SPECC1L: variants seen among roughly 807,000 people sequenced by gnomAD.
SPECC1L encodes sperm antigen with calponin homology and coiled-coil domains 1 like.
SPECC1L carries 40 observed loss-of-function variants against 116.8 expected under a neutral mutation model. That is an observed-to-expected ratio of 0.34 (90% CI 0.27 to 0.45). The LOEUF (loss-of-function observed/expected upper bound fraction) is 0.45. SPECC1L is among the 20% of genes least tolerant of loss of function. SPECC1L has a pLI of 1.00. For missense variants in SPECC1L, 1,110 were observed against 1,373.6 expected (o/e 0.81, Z 3.03); for synonymous variants, 504 against 500.6 (o/e 1.01, Z -0.09).
rs1358102259 is a variant in SPECC1L at position 24,415,231 on chromosome 22, T to C, written c.*608T>C. 1.9e-5 allele frequency: 3 copies of C among 158,390 alleles called. No individual in the cohort carries two copies. The highest frequency in any genetic ancestry group is 5.9e-5 in the Admixed American group (1 of 16,956). The allele number at this position is 158,390 out of a possible 1,614,324, so 9.8% of individuals were successfully genotyped here. A position where few individuals can be genotyped will look rare whatever the true frequency, so the allele number is the denominator to read the frequency against. ...GCGTGTTCAGCCTGAGCTAGGAGAG[T>C]ATCTAGAGGGCGTGGTGCGGGCACG... On this transcript the variant is annotated 3_prime_UTR_variant, in exon 17 of 17. Coordinates refer to ENST00000314328, the MANE Select transcript of SPECC1L (RefSeq NM_015330.6).
intron 14 of SPECC1L, among the ~76,000 whole-genome samples, chr22:24,388,075 C>A (rs980740632): frequency 2.0e-5 from 3 of 151,898 alleles, no homozygotes; most frequent in East Asian, 1.9e-4. Context: ...TCTTAAAATT[C>A]TTTTTTTATT....
chr22:24,401,928 C>A (rs1003601502), intron 14 of SPECC1L, among the ~76,000 whole-genome samples: 9 of 152,146 alleles, frequency 5.9e-5, no homozygotes, highest in African/African-American at 2.2e-4. Context: ...CGTATTAGAT[C>A]AAGAGCAAAG....
At chr22:24,370,821 A>G (rs1199834968) in intron 14 of SPECC1L, among the ~76,000 whole-genome samples, 2 of 152,206 alleles carry the variant, frequency 1.3e-5, no homozygotes, top group African/African-American at 2.4e-5. Flanking sequence ...CAAGCCATAT[A>G]CAAAAGGGCT....
chr22:24,290,808 A>G (rs1462543063), intron 2 of SPECC1L, among the ~76,000 whole-genome samples: 1 of 152,244 alleles, frequency 6.6e-6, no homozygotes, highest in Non-Finnish European at 1.5e-5. Context: ...ATAATTCACC[A>G]TAAGAAAGGT....
chr22:24,332,424 A>C lies in SPECC1L; in HGVS notation c.2397-1986A>C. ...TTGACCAGTGGATTTTAATGGGCAG[A>C]ATAGGAAAAGTTCACTTATATGGTT... On this transcript the variant is annotated intron_variant, in intron 8 of 16. Coordinates refer to ENST00000314328, the MANE Select transcript of SPECC1L (RefSeq NM_015330.6). 1.3e-5 allele frequency among the ~76,000 whole-genome samples: 2 copies of C among 152,228 alleles called. 1 individual carries two copies. Among genetic ancestry groups the C allele is most frequent in the Non-Finnish European group, 2.9e-5 (2 of 68,040 alleles).
chr22:24,284,191 A>G (rs562930655), intron 2 of SPECC1L, among the ~76,000 whole-genome samples: 1 of 152,130 alleles, frequency 6.6e-6, no homozygotes, highest in East Asian at 1.9e-4. Context: ...TTCTTTTCCA[A>G]CATAGGTGTT....
At chr22:24,297,985 A>G (rs2049299964) in intron 2 of SPECC1L, among the ~76,000 whole-genome samples, 1 of 152,168 alleles carries the variant, frequency 6.6e-6, no homozygotes, top group African/African-American at 2.4e-5. Flanking sequence ...TTAATCTCCT[A>G]CTGTGCCTAA....
intron 13 of SPECC1L, among the ~76,000 whole-genome samples, chr22:24,366,999 G>T (rs1351228129): frequency 6.6e-6 from 1 of 152,138 alleles, no homozygotes; most frequent in African/African-American, 2.4e-5. Context: ...TTCGAGATCA[G>T]CCTGGCCAAC....
At chr22:24,371,355 G>A (rs1433878500) in intron 14 of SPECC1L, among the ~76,000 whole-genome samples, 1 of 152,160 alleles carries the variant, frequency 6.6e-6, no homozygotes, top group Non-Finnish European at 1.5e-5. Context: ...GCTCGTGCCT[G>A]TAGTCCCAGT....
chr22:24,346,997 TTATAACTAAA>T, intron 10 of SPECC1L, 79 bp from the exon 11 acceptor site: 1 of 1,034,522 alleles, frequency 9.7e-7, no homozygotes, highest in Non-Finnish European at 1.5e-6. Context: ...TAATACGGAT[TTATAACTAAA>T]TATCTACTCT....
At chr22:24,341,667 T>C (rs2041178993) in intron 10 of SPECC1L, among the ~76,000 whole-genome samples, 1 of 152,226 alleles carries the variant, frequency 6.6e-6, no homozygotes, top group Non-Finnish European at 1.5e-5. Context: ...TGTTGAGTGT[T>C]GGCTGCAGCT....
At chr22:24,303,650 C>G (rs956619523) in intron 3 of SPECC1L, among the ~76,000 whole-genome samples, 1 of 152,168 alleles carries the variant, frequency 6.6e-6, no homozygotes, top group African/African-American at 2.4e-5. Context: ...CAGGCAGTGT[C>G]TTTGGAGGTT....
chr22:24,337,802 A>G (rs2041090410), intron 9 of SPECC1L, among the ~76,000 whole-genome samples: 1 of 152,176 alleles, frequency 6.6e-6, no homozygotes, highest in South Asian at 2.1e-4. Flanking sequence ...CTGTTTAGAT[A>G]TTAATAAATT....
intron 14 of SPECC1L, among the ~76,000 whole-genome samples, chr22:24,388,670 C>T (rs2042209237): frequency 6.6e-6 from 1 of 152,280 alleles, no homozygotes; most frequent in South Asian, 2.1e-4. Context: ...AACTGACTTC[C>T]ACAATGGTTG....
At chr22:24,344,343 TAAAAA>T (rs201890320) in intron 10 of SPECC1L, among the ~76,000 whole-genome samples, 1 of 145,372 alleles carries the variant, frequency 6.9e-6, no homozygotes, top group Non-Finnish European at 1.5e-5. Flanking sequence ...GAAAAAAAAT[TAAAAA>T]AAAAAACATT....
At chr22:24,396,276 C>T (rs1182055127) in intron 14 of SPECC1L, among the ~76,000 whole-genome samples, 1 of 149,916 alleles carries the variant, frequency 6.7e-6, no homozygotes, top group African/African-American at 2.5e-5. Flanking sequence ...TGACCTTTGC[C>T]CTCAAAGAAC....
chr22:24,299,256 A>G lies in SPECC1L; in HGVS notation c.-37-2939A>G, dbSNP rs139585982. Among the ~76,000 whole-genome samples, 1,127 of 152,300 alleles carry G rather than the reference A, an allele frequency of 7.4e-3. 6 individuals are homozygous for G. Among genetic ancestry groups the G allele is most frequent in the South Asian group, 0.012 (60 of 4,830 alleles). On this transcript the variant is annotated intron_variant, in intron 2 of 16. Transcript: ENST00000314328. ...TTTCTGAATTTTATTTCAGGATAGT[A>G]AAGGTATATTTTCAATAGTTTTTAA...
intron 1 of SPECC1L, among the ~76,000 whole-genome samples, chr22:24,272,330 A>G (rs2048743808): frequency 6.6e-6 from 1 of 151,974 alleles, no homozygotes; most frequent in African/African-American, 2.4e-5. Flanking sequence ...GCGCCACTGT[A>G]CCCCAGCCTG....
intron 15 of SPECC1L, 108 bp from the exon 16 acceptor site, chr22:24,412,540 A>G (rs1171301910): frequency 2.1e-6 from 2 of 971,848 alleles, no homozygotes; most frequent in Non-Finnish European, 3.3e-6. Context: ...GGCACCAGGT[A>G]GAGGTGAGTG....
Sources: allele counts gnomAD v4.1 joint callset (sites outside exome capture counted in the v4.1 genomes callset), GRCh38; gene constraint gnomAD v4.1.1; transcripts MANE v1.5; gene names NCBI Gene and HGNC (gene_info 2026-07-23, HGNC 2026-07-21).